SPECC1L: variants seen among roughly 807,000 people sequenced by gnomAD.
SPECC1L encodes cytospin-A.
In SPECC1L, 40 loss-of-function variants were observed where a neutral mutation model predicts 116.8. The ratio of observed to expected loss-of-function variants is 0.34; its 90% CI spans 0.27 to 0.45. SPECC1L has a LOEUF of 0.45. SPECC1L is among the 20% of genes least tolerant of loss of function. The pLI is 1.00. For synonymous variants in SPECC1L, 504 were observed against 500.6 expected, an observed-to-expected ratio of 1.01 and a Z score of -0.09; for missense variants, 1,110 against 1,373.6, an observed-to-expected ratio of 0.81 and a Z score of 3.03.
Position 24,412,719 on chromosome 22 carries a change from T to G in SPECC1L, c.3264+12T>G, listed in dbSNP as rs2042723257. 1 of 1,613,686 alleles carries G rather than the reference T, an allele frequency of 6.2e-7. No homozygotes were observed. ...TCAAATCCACACTGGTGAGCCCTTGTCCCCCTGAGTCACTGGCAGGGCCCT... is the reference window on the plus strand; with the variant it reads ...TCAAATCCACACTGGTGAGCCCTTGGCCCCCTGAGTCACTGGCAGGGCCCT... On this transcript the variant is annotated intron_variant, in intron 16 of 16. Transcript: ENST00000314328.
chr22:24,284,666 ACCTCGTGTTCTGCCTGCCTTGG>A (rs1317491739), intron 2 of SPECC1L, among the ~76,000 whole-genome samples: 3 of 152,086 alleles, frequency 2.0e-5, no homozygotes, highest in Admixed American at 6.6e-5. Context: ...CGATCTCCTG[ACCTCGTGTTCTGCCTGCCTTGG>A]CCTCTGAAAG....
At chr22:24,390,939 G>A (rs1482754278) in intron 14 of SPECC1L, among the ~76,000 whole-genome samples, 1 of 131,222 alleles carries the variant, frequency 7.6e-6, no homozygotes, top group Admixed American at 8.9e-5. Context: ...GAAGTGGAGC[G>A]ATCTCGGCTC....
chr22:24,338,426 G>T lies in SPECC1L; in HGVS notation c.2601G>T (p.Leu867=). The change falls in exon 10 of 17, where the codon CTG becomes CTT. Residue 867 remains leucine, a synonymous_variant. Coordinates refer to ENST00000314328, the MANE Select transcript of SPECC1L (RefSeq NM_015330.6). ...PAAAAIPRTP[L]SPSPMKTPPA... ...CAGCTGCAATTCCTCGAACGCCCCT[G>T]AGCCCAAGTCCTATGAAAACCCCTC... is the stretch of plus-strand genomic sequence containing the variant. 2.5e-6 allele frequency: 4 copies of T among 1,614,112 alleles called. No individual in the cohort carries two copies. The highest frequency in any genetic ancestry group is 3.4e-6 in the Non-Finnish European group (4 of 1,179,998).
At chr22:24,363,182 A>T in intron 11 of SPECC1L, 79 bp from the exon 12 acceptor site, 3 of 1,282,910 alleles carry the variant, frequency 2.3e-6, no homozygotes, top group Non-Finnish European at 3.4e-6. Flanking sequence ...AAAGGAGTAA[A>T]ACTCACCTTC....
intron 14 of SPECC1L, among the ~76,000 whole-genome samples, chr22:24,396,323 T>G (rs1241058438): frequency 6.6e-6 from 1 of 152,108 alleles, no homozygotes; most frequent in Non-Finnish European, 1.5e-5. Context: ...TGTTTTTTGT[T>G]TTTGAGACAG....
intron 13 of SPECC1L, among the ~76,000 whole-genome samples, chr22:24,367,686 T>C (rs2041797490): frequency 6.6e-6 from 1 of 152,216 alleles, no homozygotes; most frequent in African/African-American, 2.4e-5. Context: ...ATTGGTACTA[T>C]TTCAAGGCTC....
At chr22:24,331,135 T>G (rs2040929822) in intron 8 of SPECC1L, among the ~76,000 whole-genome samples, 1 of 152,144 alleles carries the variant, frequency 6.6e-6, no homozygotes, top group Non-Finnish European at 1.5e-5. Context: ...AAATGACAGT[T>G]GTGACATGTG....
chr22:24,271,380 G>C (rs1240354552), intron 1 of SPECC1L, among the ~76,000 whole-genome samples: 1 of 152,252 alleles, frequency 6.6e-6, no homozygotes, highest in Admixed American at 6.5e-5. Flanking sequence ...CCCTTGCCTG[G>C]GGCGGGGACA....
chr22:24,358,479 C>T lies in SPECC1L; in HGVS notation c.2744-4782C>T, dbSNP rs117111107. ...GTTTTAGCAAGCAGTTAACTTGGCT[C>T]ACCTCAGACTCCAAACCCTCCCTGC... On this transcript the variant is annotated intron_variant, in intron 11 of 16. Transcript: ENST00000314328. Among the ~76,000 whole-genome samples, 44 of 152,290 alleles carry T rather than the reference C, an allele frequency of 2.9e-4. 1 individual carries two copies. In the East Asian group the frequency reaches 8.1e-3, roughly 28 times the overall value.
In SPECC1L at chr22:24,325,939, T is replaced by C. The variant is rs565668057; in HGVS notation, c.2146+1512T>C. On this transcript the variant is annotated intron_variant, in intron 6 of 16. Coordinates refer to ENST00000314328, the MANE Select transcript of SPECC1L (RefSeq NM_015330.6). ...TACACTCCTAACATTTTTTGTTTGC[T>C]TGCCTGTTTTTTGCTGTTTGTTTGC... is the stretch of plus-strand genomic sequence containing the variant. Among the ~76,000 whole-genome samples, 53 of 152,296 alleles carry C rather than the reference T, an allele frequency of 3.5e-4. No individual in the cohort carries two copies. The South Asian group carries it at 6.0e-3, about 17-fold the overall frequency.
At chr22:24,279,667 C>T (rs1381007487) in intron 2 of SPECC1L, among the ~76,000 whole-genome samples, 1 of 152,154 alleles carries the variant, frequency 6.6e-6, no homozygotes, top group African/African-American at 2.4e-5. Context: ...ACTGCAGCCT[C>T]CACCTCCTGG....
At chr22:24,354,899 G>A (rs561897118) in intron 11 of SPECC1L, among the ~76,000 whole-genome samples, 45 of 151,658 alleles carry the variant, frequency 3.0e-4, no homozygotes, top group African/African-American at 8.2e-4. Context: ...ATTCACCCAC[G>A]TCGGCCTCCC....
chr22:24,332,831 G>C (rs2040965451), intron 8 of SPECC1L, among the ~76,000 whole-genome samples: 1 of 152,152 alleles, frequency 6.6e-6, no homozygotes, highest in African/African-American at 2.4e-5. Flanking sequence ...ATGGAAGACA[G>C]CTCTTATAAA....
intron 11 of SPECC1L, among the ~76,000 whole-genome samples, chr22:24,355,055 C>T (rs867748856): frequency 1.1e-4 from 16 of 151,308 alleles, no homozygotes; most frequent in African/African-American, 2.7e-4. Context: ...CCGAGGTGGG[C>T]GGATCAGGAG....
At chr22:24,327,846 G>C (rs919829126) in intron 6 of SPECC1L, among the ~76,000 whole-genome samples, 2 of 152,120 alleles carry the variant, frequency 1.3e-5, no homozygotes, top group East Asian at 3.8e-4. Context: ...GTCGAGATGT[G>C]GTAATATTGG....
intron 7 of SPECC1L, among the ~76,000 whole-genome samples, 174 bp downstream of exon 7, chr22:24,329,093 AT>A (rs1463011881): frequency 6.6e-6 from 1 of 152,186 alleles, no homozygotes; most frequent in Non-Finnish European, 1.5e-5. Context: ...TTGGTGCTAG[AT>A]TTTGGGTAGA....
chr22:24,357,774 T>C (rs1268817244), intron 11 of SPECC1L, among the ~76,000 whole-genome samples: 1 of 152,234 alleles, frequency 6.6e-6, no homozygotes, highest in Non-Finnish European at 1.5e-5. Context: ...GGAATAGTTT[T>C]CCAGAGGGCT....
chr22:24,410,211 G>T (rs940206741), intron 14 of SPECC1L, among the ~76,000 whole-genome samples: 1 of 152,152 alleles, frequency 6.6e-6, no homozygotes, highest in African/African-American at 2.4e-5. Context: ...AGGCTGGGGT[G>T]TAATGGCTGT....
intron 14 of SPECC1L, among the ~76,000 whole-genome samples, chr22:24,397,509 G>T (rs1439703047): frequency 6.6e-6 from 1 of 152,144 alleles, no homozygotes; most frequent in Non-Finnish European, 1.5e-5. Context: ...TGCTTGGAGG[G>T]TGAGGTTGGG....
Sources: gnomAD v4.1 joint callset for allele counts (sites outside exome capture counted in the v4.1 genomes callset) on GRCh38, gnomAD v4.1.1 for gene constraint, MANE v1.5 for transcripts, NCBI Gene and HGNC (gene_info 2026-07-23, HGNC 2026-07-21) for gene names.